Variants in UBE3A observed in about 807,000 individuals in gnomAD.
UBE3A encodes ubiquitin protein ligase E3A, also known as ubiquitin-protein ligase E3A.
In UBE3A, 6 loss-of-function variants were observed where a neutral mutation model predicts 83.4. That is an observed-to-expected ratio of 0.07 (90% CI 0.04 to 0.14). The LOEUF is 0.14. Among genes scored for constraint, UBE3A ranks in the 10% least tolerant of loss-of-function variants. The pLI is 1.00. For missense variants in UBE3A, 456 were observed against 1,036.1 expected (o/e 0.44, Z 7.69); for synonymous variants, 337 against 355.4 (o/e 0.95, Z 0.58).
At chr15:25,366,077 T>G (rs1595734599) in intron 6 of UBE3A, among the ~76,000 whole-genome samples, 1 of 152,220 alleles carries the variant, frequency 6.6e-6, no homozygotes, top group Non-Finnish European at 1.5e-5. Flanking sequence ...TGTCTTAAAT[T>G]ATTATATAAT....
intron 6 of UBE3A, among the ~76,000 whole-genome samples, chr15:25,367,721 A>G (rs541648413): frequency 1.1e-4 from 16 of 152,260 alleles, no homozygotes; most frequent in Non-Finnish European, 2.2e-4. Context: ...TGAAAATACT[A>G]TCAACATGAA....
At position 25,370,865 on chromosome 15, in the gene UBE3A, G is replaced by C. The variant is rs111033594; in HGVS notation, c.1309C>G (p.Arg437Gly). ...TCTTCAAAAGGGATAAGTGGTTTTC[G>C]ACAATCCAGGGTTTTAACACCAAGT... ...TELGVKTLDC[R>G]KPLIPFEEFI... Residue 437 changes from arginine (R) to glycine (G), a missense_variant, in exon 6 of 13, where the codon CGA (arginine) becomes GGA (glycine). Around this residue, in one of 13 missense-constraint regions of UBE3A, gnomAD observed 85 missense variants for 137.0 expected, o/e 0.62. Coordinates refer to ENST00000648336, the MANE Select transcript of UBE3A (RefSeq NM_130839.5). The surrounding 1 kb of genome is among the most constrained non-coding windows in gnomAD (Gnocchi z 4.2). 6.2e-7 allele frequency: 1 copy of C among 1,613,970 alleles called. No homozygotes were observed. The highest frequency in any genetic ancestry group is 1.1e-5 in the South Asian group (1 of 91,054).
intron 11 of UBE3A, among the ~76,000 whole-genome samples, chr15:25,341,453 T>G (rs1393825047): frequency 6.6e-6 from 1 of 151,932 alleles, no homozygotes; most frequent in Non-Finnish European, 1.5e-5. Context: ...AAAATGCATT[T>G]TAATAGTTAT....
intron 4 of UBE3A, among the ~76,000 whole-genome samples, chr15:25,387,365 C>T (rs1167378583): frequency 1.3e-5 from 2 of 151,722 alleles, no homozygotes; most frequent in African/African-American, 4.8e-5. Flanking sequence ...ACTAAAAATA[C>T]AAAAAAATTA....
chr15:25,408,722 A>G, intron 3 of UBE3A: 1 of 1,511,996 alleles, frequency 6.6e-7, no homozygotes, highest in Non-Finnish European at 9.0e-7. Flanking sequence ...TTAATGTTAT[A>G]AAAACTTCTA....
intron 4 of UBE3A, among the ~76,000 whole-genome samples, chr15:25,389,786 G>A (rs150692128): frequency 0.015 from 2,209 of 152,262 alleles, 54 homozygotes; most frequent in Admixed American, 0.043. Context: ...TACTCGGGAG[G>A]CTGACGCAGG....
At chr15:25,397,535 ACTT>A (rs561567918) in intron 4 of UBE3A, among the ~76,000 whole-genome samples, 112 of 152,100 alleles carry the variant, frequency 7.4e-4, no homozygotes, top group South Asian at 4.2e-3. Flanking sequence ...TGGCCCCTCA[ACTT>A]CTTAGCTTTC....
intron 4 of UBE3A, among the ~76,000 whole-genome samples, chr15:25,398,803 ATATATATATAT>A (rs1567068714): frequency 9.0e-5 from 7 of 77,572 alleles, no homozygotes; most frequent in African/African-American, 2.6e-4. Flanking sequence ...ATATATATAT[ATATATATATAT>A]AAAAATACAT....
At chr15:25,431,325 T>C (rs1294666110) in intron 1 of UBE3A, among the ~76,000 whole-genome samples, 1 of 152,140 alleles carries the variant, frequency 6.6e-6, no homozygotes, top group Admixed American at 6.5e-5. Flanking sequence ...ATTTGAATGA[T>C]CTTAAACAGC....
At chr15:25,377,663 A>G (rs1455596743) in intron 4 of UBE3A, among the ~76,000 whole-genome samples, 2 of 152,212 alleles carry the variant, frequency 1.3e-5, no homozygotes, top group African/African-American at 4.8e-5. Context: ...AACAGTGAAC[A>G]TGTATCGAAA....
intron 1 of UBE3A, chr15:25,438,186 T>C (rs979998311): frequency 6.6e-6 from 1 of 152,254 alleles, no homozygotes; most frequent in Non-Finnish European, 1.5e-5. Context: ...GCCTGGCTCC[T>C]AGGAGGCCCA....
intron 2 of UBE3A, among the ~76,000 whole-genome samples, chr15:25,410,432 C>G (rs2089742174): frequency 6.6e-6 from 1 of 152,156 alleles, no homozygotes; most frequent in African/African-American, 2.4e-5. Flanking sequence ...TTTTGTGCAA[C>G]TAGTTCTTTC....
chr15:25,398,530 T>C (rs2086138187), intron 4 of UBE3A, among the ~76,000 whole-genome samples: 1 of 151,808 alleles, frequency 6.6e-6, no homozygotes, highest in Non-Finnish European at 1.5e-5. Flanking sequence ...TTAAGAGAGA[T>C]GTAGTATTTG....
intron 7 of UBE3A, among the ~76,000 whole-genome samples, chr15:25,358,127 T>C (rs531784170): frequency 2.0e-5 from 3 of 152,092 alleles, no homozygotes; most frequent in African/African-American, 4.8e-5. Flanking sequence ...TCCCAGCACT[T>C]TGGGGAGGCT....
chr15:25,422,588 A>AT (rs907836174), intron 1 of UBE3A, among the ~76,000 whole-genome samples: 1 of 152,178 alleles, frequency 6.6e-6, no homozygotes, highest in African/African-American at 2.4e-5. Flanking sequence ...GATCTAAACC[A>AT]TATCATACCA....
At chr15:25,403,108 C>T (rs1257400064) in intron 4 of UBE3A, among the ~76,000 whole-genome samples, 2 of 152,182 alleles carry the variant, frequency 1.3e-5, no homozygotes, top group Non-Finnish European at 2.9e-5. Context: ...AAATACCATG[C>T]ATAATCTTCT....
At chr15:25,368,973 C>T (rs1428321109) in intron 6 of UBE3A, among the ~76,000 whole-genome samples, 1 of 152,054 alleles carries the variant, frequency 6.6e-6, no homozygotes, top group Non-Finnish European at 1.5e-5. Context: ...TTGATGAAGA[C>T]AGCTGAAGGG....
At chr15:25,344,771 T>C (rs1307965776) in intron 11 of UBE3A, among the ~76,000 whole-genome samples, 1 of 152,088 alleles carries the variant, frequency 6.6e-6, no homozygotes, top group Non-Finnish European at 1.5e-5. Flanking sequence ...CACCCAATGA[T>C]GAGAAAAAAG....
chr15:25,422,911 T>A (rs143726696), intron 1 of UBE3A, among the ~76,000 whole-genome samples: 2 of 151,362 alleles, frequency 1.3e-5, no homozygotes, highest in African/African-American at 4.9e-5. Context: ...GGCAGGAGGA[T>A]CACTTGAGCC....
Sources: allele counts gnomAD v4.1 joint callset (sites outside exome capture counted in the v4.1 genomes callset), GRCh38; gene constraint gnomAD v4.1.1; regional missense constraint gnomAD v4.1.1; non-coding constraint Gnocchi (gnomAD v3.1); transcripts MANE v1.5; gene names NCBI Gene and HGNC (gene_info 2026-07-23, HGNC 2026-07-21).